The following AHCTF1 variants were observed in gnomAD, a reference collection of about 807,000 sequenced individuals.
AHCTF1 encodes the protein AT-hook containing transcription factor 1.
AHCTF1 carries 24 observed loss-of-function variants against 248.4 expected under a neutral mutation model. That is an observed-to-expected ratio of 0.10 (90% CI 0.07 to 0.14). AHCTF1 has a LOEUF of 0.14. Ranked by LOEUF, AHCTF1 falls within the 10% of genes least tolerant of loss-of-function variation. AHCTF1 has a pLI of 1.00. For synonymous variants in AHCTF1, 786 were observed against 929.8 expected (o/e 0.85, Z 2.81); for missense variants, 2,206 against 2,636.2 (o/e 0.84, Z 3.57).
At position 246,894,659 on chromosome 1, in the gene AHCTF1, A is replaced by T; in HGVS notation, c.1804T>A (p.Cys602Ser). 2.5e-6 allele frequency: 4 copies of T among 1,611,158 alleles called. No individual in the cohort carries two copies. Among genetic ancestry groups the T allele is most frequent in the Non-Finnish European group, 3.4e-6 (4 of 1,178,596 alleles). ...CTACATCTAGACCTCTAATACTTAC[A>T]TAGTCTGTCAAATTCCTCTTTTGTG... ...VLTKEEFDRL[C>S]VPLFDGSCHF... The change falls in exon 14 of 36, where the codon TGT becomes AGT. Residue 602 changes from cysteine (C) to serine (S), a missense_variant and splice_region_variant. Physicochemically the swap from Cys to Ser is moderately radical, Grantham distance 112 (BLOSUM62 -1). This residue lies in a region of AHCTF1 where 650 missense variants were observed against 870.8 expected (regional missense o/e 0.75). Coordinates refer to ENST00000648844, the MANE Select transcript of AHCTF1 (RefSeq NM_001323342.2).
intron 4 of AHCTF1, among the ~76,000 whole-genome samples, chr1:246,911,100 T>C (rs950794447): frequency 1.3e-5 from 2 of 152,244 alleles, no homozygotes; most frequent in Admixed American, 1.3e-4. Flanking sequence ...AATTGAGAAA[T>C]GGTTCTGATC....
intron 8 of AHCTF1, among the ~76,000 whole-genome samples, chr1:246,900,951 A>T (rs1011847991): frequency 2.6e-5 from 4 of 152,196 alleles, no homozygotes; most frequent in African/African-American, 9.7e-5. Flanking sequence ...TGCCTGTGGA[A>T]TGGAAAGACA....
intron 24 of AHCTF1, among the ~76,000 whole-genome samples, chr1:246,869,043 A>C (rs528345511): frequency 6.6e-6 from 1 of 151,152 alleles, no homozygotes; most frequent in Non-Finnish European, 1.5e-5. Context: ...ACGGGGTTTC[A>C]CCATGTTGGC....
Position 246,888,825 on chromosome 1 carries a change from G to A in AHCTF1, c.2145-308C>T, listed in dbSNP as rs369427665. ...CTCAGGAGGATAAGGAAGGAGGATCGTTGGAGCCCAGGAGTTTAAAGTGAG... is the reference window on the plus strand; with the variant it reads ...CTCAGGAGGATAAGGAAGGAGGATCATTGGAGCCCAGGAGTTTAAAGTGAG... On this transcript the variant is annotated intron_variant, in intron 17 of 35. Coordinates refer to ENST00000648844, the MANE Select transcript of AHCTF1 (RefSeq NM_001323342.2). Among the ~76,000 whole-genome samples, 8 of 152,228 alleles carry A rather than the reference G, an allele frequency of 5.3e-5. No homozygotes were observed. The South Asian group carries it at 8.3e-4, about 16-fold the overall frequency.
chr1:246,843,127 A>T (rs954527266), intron 34 of AHCTF1, among the ~76,000 whole-genome samples: 1 of 152,180 alleles, frequency 6.6e-6, no homozygotes, highest in Non-Finnish European at 1.5e-5. Flanking sequence ...TTCATCTTTC[A>T]TAGAGACTAC....
intron 7 of AHCTF1, among the ~76,000 whole-genome samples, chr1:246,903,662 CT>C (rs34617990): frequency 0.4 from 52,580 of 130,866 alleles, 11,014 homozygotes; most frequent in Admixed American, 0.49. Flanking sequence ...ACCCCCCCCC[CT>C]CCGTCTCTGC....
chr1:246,905,915 T>C (rs1665355238), intron 5 of AHCTF1, among the ~76,000 whole-genome samples: 2 of 152,222 alleles, frequency 1.3e-5, no homozygotes, highest in South Asian at 4.2e-4. Context: ...TATGTGTGCG[T>C]GTAACTGGTC....
rs1041706269 is a variant in AHCTF1 at position 246,876,863 on chromosome 1, A to G, written c.2937+87T>C. ...GGTAATGCTAGGCACAGTGGTTACC[A>G]AACTGTAAGCTCTTATATAACAACC... On this transcript the variant is annotated intron_variant, in intron 23 of 35. Coordinates refer to ENST00000648844, the MANE Select transcript of AHCTF1 (RefSeq NM_001323342.2). 17 of 1,492,384 alleles carry G rather than the reference A, an allele frequency of 1.1e-5. No homozygotes were observed. The South Asian group carries it at 1.3e-4, about 11-fold the overall frequency. The allele number at this position is 1,492,384 out of a possible 1,614,324, so 92.4% of individuals were successfully genotyped here.
rs1193617939 is a variant in AHCTF1, at chr1:246,887,230, A to G, written c.2453T>C (p.Ile818Thr). 2 of 1,612,984 alleles carry G rather than the reference A, an allele frequency of 1.2e-6. No individual in the cohort carries two copies. Among genetic ancestry groups the G allele is most frequent in the Non-Finnish European group, 1.7e-6 (2 of 1,179,582 alleles). Residue 818 changes from isoleucine to threonine, a missense_variant, in exon 20 of 36, where the codon ATA (isoleucine) becomes ACA (threonine). Transcript: ENST00000648844. ...QVKLIQGFWLIDHNDYESGLD... is the reference protein window; with the variant it reads ...QVKLIQGFWLTDHNDYESGLD... ...ACTTACCTCATAGTCATTATGATCT[A>G]TCAACCAAAACCCCTGAATAAGTTT...
chr1:246,893,961 T>C (rs535297103), intron 14 of AHCTF1, among the ~76,000 whole-genome samples: 221 of 152,242 alleles, frequency 1.5e-3, no homozygotes, highest in Middle Eastern at 3.4e-3. Flanking sequence ...ACCAACACTT[T>C]GGAAGGCCCA....
chr1:246,844,077 A>G (rs1326704769), intron 33 of AHCTF1, 149 bp from the exon 34 acceptor site: 3 of 504,316 alleles, frequency 5.9e-6, no homozygotes, highest in Non-Finnish European at 9.4e-6. Context: ...CTAAGTATCC[A>G]TGTTGGCAGA....
At chr1:246,909,878 C>T (rs959060901) in intron 4 of AHCTF1, among the ~76,000 whole-genome samples, 1 of 152,164 alleles carries the variant, frequency 6.6e-6, no homozygotes, top group Admixed American at 6.5e-5. Context: ...CAAGTAGCAC[C>T]AGCAGTAACA....
chr1:246,869,190 G>A (rs994132260), intron 24 of AHCTF1, among the ~76,000 whole-genome samples: 1 of 152,078 alleles, frequency 6.6e-6, no homozygotes, highest in African/African-American at 2.4e-5. Flanking sequence ...GCAACCCTGT[G>A]TCCAGCAAGT....
At chr1:246,918,167 A>G (rs1257343975) in intron 2 of AHCTF1, 83 bp downstream of exon 2, 8 of 1,257,352 alleles carry the variant, frequency 6.4e-6, no homozygotes, top group South Asian at 2.5e-5. Flanking sequence ...CTTCTTCCAC[A>G]TAAAGAAACT....
intron 7 of AHCTF1, 43 bp downstream of exon 7, chr1:246,903,903 AAAC>A (rs757375264): frequency 1.4e-6 from 2 of 1,380,362 alleles, no homozygotes; most frequent in African/African-American, 2.9e-5. Flanking sequence ...TTAAAATAGA[AAAC>A]AACAAAATGG....
Position 246,900,468 on chromosome 1 carries a change from A to G in AHCTF1, c.1119T>C (p.Ala373=). The G allele has an allele frequency of 6.3e-7, 1 of 1,584,664 alleles. No homozygotes were observed. The highest frequency in any genetic ancestry group is 8.5e-7 in the Non-Finnish European group (1 of 1,173,900). The stretch of plus-strand genomic sequence containing the variant: ...CTGAAACACTAGTGTCAGGCGATAG[A>G]GCTGGAAGAAAAAGATAATTTTTAA... ...HGDREEGVNE[A]LSPDTSVSVF... Residue 373 remains alanine (A), a splice_region_variant and synonymous_variant, in exon 9 of 36, where the codon GCT becomes GCC. Coordinates refer to ENST00000648844, the MANE Select transcript of AHCTF1 (RefSeq NM_001323342.2).
chr1:246,910,634 A>T (rs931216511), intron 4 of AHCTF1, among the ~76,000 whole-genome samples: 4 of 152,226 alleles, frequency 2.6e-5, no homozygotes, highest in Non-Finnish European at 5.9e-5. Context: ...TCAATAAAAA[A>T]ATTTAAAAAC....
chr1:246,865,600 C>T (rs1226990013), intron 26 of AHCTF1, among the ~76,000 whole-genome samples: 1 of 152,100 alleles, frequency 6.6e-6, no homozygotes, highest in Non-Finnish European at 1.5e-5. Context: ...TGAGCTATCC[C>T]AAAGGAACAC....
At chr1:246,920,117 C>G (rs569837684) in intron 1 of AHCTF1, among the ~76,000 whole-genome samples, 3 of 121,978 alleles carry the variant, frequency 2.5e-5, no homozygotes, top group African/African-American at 6.5e-5. Context: ...TCCAGCCTGA[C>G]GACACAGTGA....
Sources: allele counts gnomAD v4.1 joint callset (sites outside exome capture counted in the v4.1 genomes callset), GRCh38; gene constraint gnomAD v4.1.1; regional missense constraint gnomAD v4.1.1; transcripts MANE v1.5; gene names NCBI Gene and HGNC (gene_info 2026-07-23, HGNC 2026-07-21).